CRIM1: variants seen among roughly 807,000 people sequenced by gnomAD.
CRIM1 encodes the protein cysteine rich transmembrane BMP regulator 1.
A neutral mutation model predicts 116.4 loss-of-function variants in CRIM1; 32 were observed. The observed-to-expected ratio is 0.27, with a 90% CI of 0.21 to 0.37. CRIM1 has a LOEUF of 0.37. CRIM1 is among the 10% of genes least tolerant of loss of function. The probability of loss-of-function intolerance (pLI) is 1.00; values close to 1 mark genes in which losing one functional copy is unlikely to be tolerated. For synonymous variants in CRIM1, 590 were observed against 509.2 expected, an observed-to-expected ratio of 1.16 and a Z score of -2.13; for missense variants, 1,331 against 1,354.8, an observed-to-expected ratio of 0.98 and a Z score of 0.28.
At chr2:36,411,518 G>A (rs915648053) in intron 2 of CRIM1, among the ~76,000 whole-genome samples, 8 of 151,988 alleles carry the variant, frequency 5.3e-5, no homozygotes, top group South Asian at 2.1e-4. Context: ...TTTATGTGCC[G>A]GAAGAACATT....
At chr2:36,525,129 C>T (rs1263017272) in intron 13 of CRIM1, among the ~76,000 whole-genome samples, 5 of 152,120 alleles carry the variant, frequency 3.3e-5, no homozygotes, top group African/African-American at 1.2e-4. Context: ...GAACTGTAAC[C>T]GTGTACCTTA....
At chr2:36,518,287 G>C (rs888228689) in intron 12 of CRIM1, among the ~76,000 whole-genome samples, 1 of 152,132 alleles carries the variant, frequency 6.6e-6, no homozygotes, top group Non-Finnish European at 1.5e-5. Context: ...CAAGTTGACA[G>C]GACTAGTTTT....
intron 2 of CRIM1, among the ~76,000 whole-genome samples, chr2:36,427,780 C>T (rs848506): frequency 0.79 from 119,589 of 152,172 alleles, 47,507 homozygotes; most frequent in East Asian, 0.99. Flanking sequence ...AGCCCCAAGA[C>T]CCTTGGTGTA....
chr2:36,385,765 A>G (rs180948175), intron 1 of CRIM1, among the ~76,000 whole-genome samples: 7 of 152,166 alleles, frequency 4.6e-5, no homozygotes, highest in Non-Finnish European at 7.4e-5. Context: ...TCAGCTCCTC[A>G]TGTCCCCTGC....
chr2:36,543,738 CTGTT>C (rs1158958268), intron 14 of CRIM1, among the ~76,000 whole-genome samples: 4 of 150,804 alleles, frequency 2.7e-5, no homozygotes, highest in Non-Finnish European at 5.9e-5. Flanking sequence ...TAATATTCTT[CTGTT>C]TGTTTTATGT....
chr2:36,509,160 A>ACT (rs1681633177), intron 8 of CRIM1, among the ~76,000 whole-genome samples: 1 of 152,200 alleles, frequency 6.6e-6, no homozygotes, highest in Non-Finnish European at 1.5e-5. Context: ...GCTGCATACA[A>ACT]TATGCAGTAT....
At chr2:36,426,974 G>A (rs191535765) in intron 2 of CRIM1, among the ~76,000 whole-genome samples, 17 of 152,192 alleles carry the variant, frequency 1.1e-4, no homozygotes, top group East Asian at 3.9e-4. Flanking sequence ...AGGCTGAGGC[G>A]GGTGGATCAC....
rs375408089 is a variant in CRIM1, at chr2:36,497,067, CAGTTT to C, written c.1373-2150_1373-2146del. ...ATGATGATTATACATTTTTCAAGGT[CAGTTT>C]AATCTTCAGTATATACTTTTCCATA... On this transcript the variant is annotated intron_variant, in intron 7 of 16. Transcript: ENST00000280527. 3.8e-3 allele frequency among the ~76,000 whole-genome samples: 586 copies of C among 152,244 alleles called. 4 individuals carry two copies. Among genetic ancestry groups the C allele is most frequent in the African/African-American group, 0.013 (551 of 41,544 alleles).
At chr2:36,495,607 C>T (rs940539959) in intron 7 of CRIM1, among the ~76,000 whole-genome samples, 35 of 151,314 alleles carry the variant, frequency 2.3e-4, no homozygotes, top group Middle Eastern at 6.8e-3. Flanking sequence ...CTGACCAGCT[C>T]TTGGTCATTA....
At chr2:36,470,630 A>T (rs1678424534) in intron 5 of CRIM1, among the ~76,000 whole-genome samples, 1 of 152,118 alleles carries the variant, frequency 6.6e-6, no homozygotes, top group African/African-American at 2.4e-5. Context: ...AGAAAAAGAG[A>T]TTTCTTCCAA....
chr2:36,421,807 T>G (rs1319452357), intron 2 of CRIM1, among the ~76,000 whole-genome samples: 2 of 152,232 alleles, frequency 1.3e-5, no homozygotes, highest in Non-Finnish European at 2.9e-5. Context: ...TTTCCCTCCT[T>G]TCTTTCCTTC....
intron 15 of CRIM1, among the ~76,000 whole-genome samples, chr2:36,546,528 G>A (rs1257343946): frequency 2.0e-5 from 3 of 152,070 alleles, no homozygotes; most frequent in Non-Finnish European, 2.9e-5. Flanking sequence ...ATTAGTCTTA[G>A]CTATTAACAC....
chr2:36,493,242 CGAA>C (rs923381381), intron 7 of CRIM1, among the ~76,000 whole-genome samples: 1 of 149,726 alleles, frequency 6.7e-6, no homozygotes, highest in South Asian at 2.1e-4. Context: ...GACCTCATCT[CGAA>C]AGAAGAAGAA....
chr2:36,496,978 C>T (rs114898482), intron 7 of CRIM1, among the ~76,000 whole-genome samples: 583 of 152,258 alleles, frequency 3.8e-3, no homozygotes, highest in Non-Finnish European at 6.7e-3. Context: ...AAAAGTTGGA[C>T]GATGGATTCT....
intron 7 of CRIM1, among the ~76,000 whole-genome samples, chr2:36,498,572 G>GC (rs1171362259): frequency 6.6e-6 from 1 of 152,130 alleles, no homozygotes; most frequent in East Asian, 1.9e-4. Context: ...TTTGTTTAGT[G>GC]CCCTTATTCC....
At chr2:36,483,687 A>C (rs367834006) in intron 7 of CRIM1, among the ~76,000 whole-genome samples, 1 of 152,158 alleles carries the variant, frequency 6.6e-6, no homozygotes, top group East Asian at 1.9e-4. Flanking sequence ...GAATCCCTAA[A>C]ACAACATGTG....
intron 1 of CRIM1, among the ~76,000 whole-genome samples, chr2:36,370,288 G>A (rs776247865): frequency 5.3e-5 from 8 of 151,718 alleles, no homozygotes; most frequent in Middle Eastern, 3.4e-3. Context: ...GAAAGAAGCA[G>A]CAGAAATTTA....
At chr2:36,391,654 A>T (rs1397628221) in intron 1 of CRIM1, among the ~76,000 whole-genome samples, 1 of 152,220 alleles carries the variant, frequency 6.6e-6, no homozygotes, top group Non-Finnish European at 1.5e-5. Context: ...TGCTCTTTAG[A>T]ACAGCAGTTC....
In CRIM1 at chr2:36,473,885, A is replaced by G. The variant is rs566637419; in HGVS notation, c.992-3004A>G. 7.2e-5 allele frequency among the ~76,000 whole-genome samples: 11 copies of G among 152,282 alleles called. No homozygotes were observed. The South Asian group carries it at 2.3e-3, about 32-fold the overall frequency. ...TTCTCTTGGGTATATACCTAGGAGT[A>G]GAGTTGCTTGATGATATGATAACTC... On this transcript the variant is annotated intron_variant, in intron 5 of 16. Transcript: ENST00000280527.
Sources: allele counts gnomAD v4.1 joint callset (sites outside exome capture counted in the v4.1 genomes callset), GRCh38; gene constraint gnomAD v4.1.1; transcripts MANE v1.5; gene names NCBI Gene and HGNC (gene_info 2026-07-23, HGNC 2026-07-21).